Variants in HSD17B11 observed in about 807,000 individuals in gnomAD.
HSD17B11 encodes estradiol 17-beta-dehydrogenase 11.
In HSD17B11, 22 loss-of-function variants were observed where a neutral mutation model predicts 27.8. The ratio of observed to expected loss-of-function variants is 0.79; its 90% CI spans 0.56 to 1.13. HSD17B11 has a LOEUF of 1.13. HSD17B11 is among the 50% of genes most tolerant of loss of function. The pLI is 0.00. For missense variants in HSD17B11, 314 were observed against 351.1 expected (o/e 0.89, Z 0.84); for synonymous variants, 117 against 132.8 (o/e 0.88, Z 0.82).
chr4:87,378,897 TATATATAAATATATATATATAA>T (rs1560769381), intron 2 of HSD17B11, among the ~76,000 whole-genome samples: 2 of 17,264 alleles, frequency 1.2e-4, no homozygotes, highest in African/African-American at 1.0e-3. Context: ...TATATATAAA[TATATATAAATATATATATATAA>T]ATATATATAA....
At chr4:87,355,970 G>A (rs1443913956) in intron 5 of HSD17B11, among the ~76,000 whole-genome samples, 2 of 152,134 alleles carry the variant, frequency 1.3e-5, no homozygotes, top group Non-Finnish European at 2.9e-5. Flanking sequence ...CAAAAAGTGA[G>A]CTGATGCCAT....
At chr4:87,377,930 T>C (rs768114716) in intron 2 of HSD17B11, among the ~76,000 whole-genome samples, 1 of 152,234 alleles carries the variant, frequency 6.6e-6, no homozygotes, top group African/African-American at 2.4e-5. Flanking sequence ...AATTCTTATA[T>C]GCTCACTTTA....
chr4:87,376,436 C>T (rs565947231), intron 2 of HSD17B11, among the ~76,000 whole-genome samples: 13 of 133,980 alleles, frequency 9.7e-5, no homozygotes, highest in African/African-American at 2.8e-4. Context: ...ACCCAGGAGG[C>T]GGAGGTTGCA....
At chr4:87,386,794 A>G (rs1181340133) in intron 1 of HSD17B11, 1 of 152,144 alleles carries the variant, frequency 6.6e-6, no homozygotes, top group African/African-American at 2.4e-5. Context: ...GTTATTCATT[A>G]ATTCAGTTTT....
At chr4:87,360,158 TA>T (rs554903462) in intron 4 of HSD17B11, among the ~76,000 whole-genome samples, 353 of 152,202 alleles carry the variant, frequency 2.3e-3, no homozygotes, top group African/African-American at 8.0e-3. Flanking sequence ...AATGTACAGA[TA>T]TTTCACCTCA....
chr4:87,343,440 G>T (rs2110112961), intron 5 of HSD17B11, among the ~76,000 whole-genome samples: 1 of 152,132 alleles, frequency 6.6e-6, no homozygotes, highest in African/African-American at 2.4e-5. Context: ...GCATGTTGGG[G>T]TAGAGAAATA....
Position 87,391,153 on chromosome 4 carries a change from C to A in HSD17B11, c.-83G>T, listed in dbSNP as rs1392571183. ...GCTTTTAGAGGGTAGCTCGATCTAA[C>A]ACCAGAAAGAGTAGGGGCGAGAGCA... On this transcript the variant is annotated 5_prime_UTR_variant, in exon 1 of 7. Coordinates refer to ENST00000358290, the MANE Select transcript of HSD17B11 (RefSeq NM_016245.5). The A allele has an allele frequency of 2.0e-5, 20 of 1,003,822 alleles. No individual in the cohort carries two copies. The highest frequency in any genetic ancestry group is 2.9e-5 in the Non-Finnish European group (20 of 680,594). 62.2% of individuals were successfully genotyped at this position (1,003,822 alleles called of 1,614,324 possible). A position where few individuals can be genotyped will look rare whatever the true frequency, so the allele number is the denominator to read the frequency against.
intron 2 of HSD17B11, among the ~76,000 whole-genome samples, chr4:87,378,960 A>ATATATATATATATATTTT (rs1720051475): frequency 3.9e-5 from 1 of 25,626 alleles, no homozygotes; most frequent in African/African-American, 3.0e-4. Context: ...ATATATATAT[A>ATATATATATATATATTTT]TTTTTTTTTT....
Position 87,357,129 on chromosome 4 carries a change from GT to G in HSD17B11, c.695+149del, listed in dbSNP as rs1158115818. 8.1e-6 allele frequency: 7 copies of G among 863,952 alleles called. No individual in the cohort carries two copies. The African/African-American group carries it at 1.2e-4, about 15-fold the overall frequency. 53.5% of individuals were successfully genotyped at this position (863,952 alleles called of 1,614,324 possible). On this transcript the variant is annotated intron_variant, in intron 5 of 6. Coordinates refer to ENST00000358290, the MANE Select transcript of HSD17B11 (RefSeq NM_016245.5). The stretch of plus-strand genomic sequence containing the variant: ...TTTCTCTCTTTTTGGCTTTCCACCT[GT>G]TTTCCCACAATCTGCAGAAACTGAA...
intron 4 of HSD17B11, among the ~76,000 whole-genome samples, chr4:87,368,632 T>C (rs1735651635): frequency 6.6e-6 from 1 of 152,192 alleles, no homozygotes; most frequent in Admixed American, 6.5e-5. Context: ...TCCCAGACTG[T>C]TAACGCATTC....
intron 2 of HSD17B11, among the ~76,000 whole-genome samples, chr4:87,378,857 AATATATATAAAT>A (rs1560769129): frequency 0.041 from 759 of 18,702 alleles, 24 homozygotes; most frequent in Non-Finnish European, 0.051. Flanking sequence ...TATATATATA[AATATATATAAAT>A]ATATATATAT....
chr4:87,378,930 ATATATATATATATATATT>A (rs1720042741), intron 2 of HSD17B11, among the ~76,000 whole-genome samples: 1 of 8,942 alleles, frequency 1.1e-4, no homozygotes, highest in African/African-American at 6.3e-4. Context: ...ATATATATAA[ATATATATATATATATATT>A]TATATATATA....
intron 4 of HSD17B11, among the ~76,000 whole-genome samples, chr4:87,362,468 G>C (rs1375458124): frequency 6.6e-6 from 1 of 152,256 alleles, no homozygotes; most frequent in Non-Finnish European, 1.5e-5. Flanking sequence ...CGAGGTTGCA[G>C]TGAGCCGAGA....
chr4:87,390,465 A>G (rs1285437739), intron 1 of HSD17B11, among the ~76,000 whole-genome samples: 1 of 152,138 alleles, frequency 6.6e-6, no homozygotes, highest in Non-Finnish European at 1.5e-5. Flanking sequence ...AATCTTTCAA[A>G]CCACTTTTCT....
intron 2 of HSD17B11, among the ~76,000 whole-genome samples, chr4:87,375,946 C>T (rs1199724940): frequency 6.6e-6 from 1 of 152,180 alleles, no homozygotes; most frequent in Non-Finnish European, 1.5e-5. Flanking sequence ...CTCTGCCAGT[C>T]ACTGTTGGAC....
chr4:87,362,418 C>A (rs1735534563), intron 4 of HSD17B11, among the ~76,000 whole-genome samples: 1 of 152,154 alleles, frequency 6.6e-6, no homozygotes, highest in Non-Finnish European at 1.5e-5. Flanking sequence ...CCCAGCTACT[C>A]AGGACACTGA....
At chr4:87,346,377 G>A (rs1004811979) in intron 5 of HSD17B11, among the ~76,000 whole-genome samples, 15 of 152,146 alleles carry the variant, frequency 9.9e-5, no homozygotes, top group Non-Finnish European at 1.6e-4. Flanking sequence ...GGCCGGGTGC[G>A]GTGGCTCACG....
Position 87,382,285 on chromosome 4 carries a change from G to A in HSD17B11, c.288C>T (p.Asn96=), listed in dbSNP as rs1177794254. ...KVHTFVVDCS[N]REDIYSSAKK... Reference sequence around the variant, plus strand: ...TTGCAGAGCTGTAAATATCTTCTCGGTTGCTGCAGTCTACCACAAAGGTAT... The same window carrying A: ...TTGCAGAGCTGTAAATATCTTCTCGATTGCTGCAGTCTACCACAAAGGTAT... The change falls in exon 2 of 7, where the codon AAC becomes AAT. Residue 96 remains asparagine, a synonymous_variant. Transcript: ENST00000358290. The A allele has an allele frequency of 6.2e-7, 1 of 1,613,466 alleles. No individual in the cohort carries two copies. The highest frequency in any genetic ancestry group is 1.3e-5 in the African/African-American group (1 of 74,854).
chr4:87,389,379 C>A (rs183249425), intron 1 of HSD17B11, among the ~76,000 whole-genome samples: 4 of 152,098 alleles, frequency 2.6e-5, no homozygotes, highest in African/African-American at 9.7e-5. Flanking sequence ...CACGCCACCA[C>A]GCTCAACTAA....
Sources: allele counts gnomAD v4.1 joint callset (sites outside exome capture counted in the v4.1 genomes callset), GRCh38; gene constraint gnomAD v4.1.1; transcripts MANE v1.5; gene names NCBI Gene and HGNC (gene_info 2026-07-23, HGNC 2026-07-21).